The following PCDHB1 variants were observed in gnomAD, a reference collection of about 807,000 sequenced individuals.
The protein encoded by PCDHB1 is protocadherin beta 1.
Under a neutral mutation model 43.5 loss-of-function variants are expected in PCDHB1, and 44 were observed. The observed-to-expected ratio is 1.01, with a 90% confidence interval of 0.79 to 1.30. PCDHB1 has a LOEUF of 1.30. Among genes scored for constraint, PCDHB1 ranks in the 50% most tolerant of loss-of-function variants. The probability of loss-of-function intolerance (pLI) is 0.00; values close to 1 mark genes in which losing one functional copy is unlikely to be tolerated. For missense variants in PCDHB1, 919 were observed against 1,008.9 expected, an observed-to-expected ratio of 0.91 and a Z score of 1.21; for synonymous variants, 392 against 400.8, an observed-to-expected ratio of 0.98 and a Z score of 0.26.
chr5:141,051,544 T>C lies in PCDHB1; in HGVS notation c.74T>C (p.Val25Ala). 5 of 1,614,178 alleles carry C rather than the reference T, an allele frequency of 3.1e-6. No homozygotes were observed. The highest frequency in any genetic ancestry group is 4.2e-6 in the Non-Finnish European group (5 of 1,180,022). Residue 25 changes from valine to alanine, a missense_variant, in exon 1 of 1, where the codon GTG becomes GCG. Val to Ala is a moderately conservative substitution (Grantham distance 64). Coordinates refer to ENST00000306549, the MANE Select transcript of PCDHB1 (RefSeq NM_013340.4). ...GSLLIFLCIS[V>A]GDATTIRYSV... The stretch of plus-strand genomic sequence containing the variant: ...CTTCTCATTTTTCTGTGCATATCTG[T>C]GGGGGATGCGACAACTATCCGCTAT...
chr5:141,052,954 A>T lies in PCDHB1; in HGVS notation c.1484A>T (p.Lys495Ile), dbSNP rs1751029804. ...ATAACATATTCTCTGTTGCCTCCAA[A>T]AAACGGAGATCTTTCAGTCTTTGCT... is the stretch of plus-strand genomic sequence containing the variant. Reference protein sequence around the residue: ...AQITYSLLPPKNGDLSVFAYI... With the variant: ...AQITYSLLPPINGDLSVFAYI... The change falls in exon 1 of 1, where the codon AAA (lysine) becomes ATA (isoleucine). Residue 495 changes from lysine (K) to isoleucine (I), a missense_variant. Physicochemically the swap from Lys to Ile is moderately radical, Grantham distance 102. Coordinates refer to ENST00000306549, the MANE Select transcript of PCDHB1 (RefSeq NM_013340.4). 6.2e-7 allele frequency: 1 copy of T among 1,614,068 alleles called. No individual in the cohort carries two copies. Among genetic ancestry groups the T allele is most frequent in the South Asian group, 1.1e-5 (1 of 91,086 alleles).
In PCDHB1 at chr5:141,052,118, C is replaced by T; in HGVS notation, c.648C>T (p.Asp216=). ...PEVNLTITAV[D]GGSPPKSGTA... ...TCAACTTGACAATTACGGCGGTGGACGGCGGGTCCCCGCCTAAGTCTGGCA... is the reference window on the plus strand; with the variant it reads ...TCAACTTGACAATTACGGCGGTGGATGGCGGGTCCCCGCCTAAGTCTGGCA... The change falls in exon 1 of 1, where the codon GAC becomes GAT. Residue 216 remains aspartate, a synonymous_variant. Transcript: ENST00000306549. The T allele has an allele frequency of 6.2e-7, 1 of 1,612,432 alleles. No individual in the cohort carries two copies. The highest frequency in any genetic ancestry group is 1.1e-5 in the South Asian group (1 of 90,962).
chr5:141,052,564 T>TA lies in PCDHB1; in HGVS notation c.1095dup (p.Val366SerfsTer42). 3.1e-6 allele frequency: 5 copies of TA among 1,614,098 alleles called. No individual in the cohort carries two copies. The highest frequency in any genetic ancestry group is 4.2e-6 in the Non-Finnish European group (5 of 1,180,020). On this transcript the variant is annotated frameshift_variant, in exon 1 of 1. Transcript: ENST00000306549. LOFTEE classifies it high-confidence loss of function. The stretch of plus-strand genomic sequence containing the variant: ...CCTGAAGACTCACCACCACAGACAG[T>TA]AGTAGCCCTTTTCACTATCAGAGAC...
Position 141,052,767 on chromosome 5 carries a change from T to C in PCDHB1, c.1297T>C (p.Ser433Pro), listed in dbSNP as rs782729839. The change falls in exon 1 of 1, where the codon TCT becomes CCT. Residue 433 changes from serine (S) to proline (P), a missense_variant. By Grantham distance (74) the Ser-to-Pro change is moderately conservative. Transcript: ENST00000306549. ...CATGGATACTGGACCACCTAGCTTG[T>C]CTGCCGAGACTATGATAGAGGTGCT... ...VAMDTGPPSL[S>P]AETMIEVLIS... 3.7e-6 allele frequency: 6 copies of C among 1,614,166 alleles called. No individual in the cohort carries two copies. The South Asian group carries it at 6.6e-5, about 18-fold the overall frequency.
At position 141,052,163 on chromosome 5, in the gene PCDHB1, G is replaced by C. The variant is rs782150315; in HGVS notation, c.693G>C (p.Val231=). The C allele has an allele frequency of 1.2e-6, 2 of 1,613,854 alleles. No individual in the cohort carries two copies. The highest frequency in any genetic ancestry group is 1.7e-6 in the Non-Finnish European group (2 of 1,179,924). Reference sequence around the variant, plus strand: ...CTGGCACAGCTCACATCCACGTGGTGGTTCTGGATGTCAACGACCACGTGC... The same window carrying C: ...CTGGCACAGCTCACATCCACGTGGTCGTTCTGGATGTCAACGACCACGTGC... The part of the protein sequence containing the change: ...PKSGTAHIHV[V]VLDVNDHVPQ... The change falls in exon 1 of 1, where the codon GTG becomes GTC. Residue 231 remains valine (V), a synonymous_variant. Coordinates refer to ENST00000306549, the MANE Select transcript of PCDHB1 (RefSeq NM_013340.4).
At position 141,052,926 on chromosome 5, in the gene PCDHB1, CA is replaced by C. The variant is rs782164060; in HGVS notation, c.1459del (p.Ile487Ter). ...GGATCTTGATTTGGGTGAGAATGCC[CA>C]AATAACATATTCTCTGTTGCCTCCA... ...AEDLDLGENA[Q>X]ITYSLLPPKN... is the part of the protein sequence containing the mutation. On this transcript the variant is annotated frameshift_variant, in exon 1 of 1. Coordinates refer to ENST00000306549, the MANE Select transcript of PCDHB1 (RefSeq NM_013340.4). LOFTEE classifies it high-confidence loss of function. 1.9e-6 allele frequency: 3 copies of C among 1,614,152 alleles called. No individual in the cohort carries two copies. The East Asian group carries it at 6.7e-5, about 36-fold the overall frequency.
At position 141,053,838 on chromosome 5, in the gene PCDHB1, G is replaced by C. The variant is rs782315063; in HGVS notation, c.2368G>C (p.Glu790Gln). The change falls in exon 1 of 1, where the codon GAG becomes CAG. Residue 790 changes from glutamate to glutamine, a missense_variant. By Grantham distance (29) the Glu-to-Gln change is conservative. Transcript: ENST00000306549. ...TCATGCCACTGGGGAGATAAAAATG[G>C]AGGCTGGCTCCAGTTTGCCCCCAAA... Reference protein sequence around the residue: ...FPHATGEIKMEAGSSLPPNSD... With the variant: ...FPHATGEIKMQAGSSLPPNSD... 10 of 1,614,100 alleles carry C rather than the reference G, an allele frequency of 6.2e-6. No homozygotes were observed. The Admixed American group carries it at 1.7e-4, about 27-fold the overall frequency.
In PCDHB1 at chr5:141,051,859, C is replaced by G. The variant is rs782187580; in HGVS notation, c.389C>G (p.Ala130Gly). ...EVRVFDINDNAPVFLNKEPLL... is the reference protein window; with the variant it reads ...EVRVFDINDNGPVFLNKEPLL... ...AGGGTATTTGATATCAATGACAATG[C>G]CCCAGTTTTCCTAAACAAGGAGCCG... Residue 130 changes from alanine (A) to glycine (G), a missense_variant, in exon 1 of 1, where the codon GCC becomes GGC. Transcript: ENST00000306549. 1 of 1,614,162 alleles carries G rather than the reference C, an allele frequency of 6.2e-7. No homozygotes were observed.
At position 141,053,302 on chromosome 5, in the gene PCDHB1, C is replaced by T. The variant is rs10476822; in HGVS notation, c.1832C>T (p.Thr611Ile). Residue 611 changes from threonine to isoleucine, a missense_variant, in exon 1 of 1, where the codon ACT becomes ATT. By Grantham distance (89) the Thr-to-Ile change is moderately conservative. Coordinates refer to ENST00000306549, the MANE Select transcript of PCDHB1 (RefSeq NM_013340.4). ...SWLSYHLLKA[T>I]DLGLFSVQRQ... ...CTTTCATATCATCTACTTAAGGCCA[C>T]TGACCTTGGGTTATTTTCTGTTCAA... The T allele has an allele frequency of 1.9e-6, 3 of 1,614,230 alleles. No homozygotes were observed. The highest frequency in any genetic ancestry group is 4.5e-5 in the East Asian group (2 of 44,890).
rs1290612904 is a variant in PCDHB1 at position 141,057,201 on chromosome 5, A to G, written c.*3274A>G. The G allele has an allele frequency of 1.3e-5, 2 of 152,172 alleles. No homozygotes were observed. Among genetic ancestry groups the G allele is most frequent in the Non-Finnish European group, 2.9e-5 (2 of 68,020 alleles). 9.4% of individuals were successfully genotyped at this position (152,172 alleles called of 1,614,324 possible). A position where few individuals can be genotyped will look rare whatever the true frequency, so the allele number is the denominator to read the frequency against. The stretch of plus-strand genomic sequence containing the variant: ...CACATTAAATGAGATAAAATCTACC[A>G]CTTCACGCCACCATTATTCCATAAA... On this transcript the variant is annotated 3_prime_UTR_variant, in exon 1 of 1. Transcript: ENST00000306549.
chr5:141,052,448 C>T lies in PCDHB1; in HGVS notation c.978C>T (p.Gly326=). ...ACATTCAAGCTACAGATGGTGGAGG[C>T]CTCTCTGCCCACAGCAAAGTCCTGG... ...DIDIQATDGG[G]LSAHSKVLVE... Residue 326 remains glycine (G), a synonymous_variant, in exon 1 of 1, where the codon GGC becomes GGT. Coordinates refer to ENST00000306549, the MANE Select transcript of PCDHB1 (RefSeq NM_013340.4). 2 of 1,614,188 alleles carry T rather than the reference C, an allele frequency of 1.2e-6. No homozygotes were observed. Among genetic ancestry groups the T allele is most frequent in the Non-Finnish European group, 1.7e-6 (2 of 1,180,032 alleles).
rs1554267120 is a variant in PCDHB1, at chr5:141,051,885, CT to C, written c.419del (p.Leu140Ter). ...CCCAGTTTTCCTAAACAAGGAGCCG[CT>C]TTTAAAGATTCCGGAGAGCACCCCT... ...NAPVFLNKEP[L>X]LKIPESTPLG... On this transcript the variant is annotated frameshift_variant, in exon 1 of 1. Transcript: ENST00000306549. LOFTEE classifies it high-confidence loss of function. 6.2e-7 allele frequency: 1 copy of C among 1,614,074 alleles called. No individual in the cohort carries two copies. The highest frequency in any genetic ancestry group is 2.2e-5 in the East Asian group (1 of 44,888).
rs782304276 is a variant in PCDHB1 at position 141,052,709 on chromosome 5, G to A, written c.1239G>A (p.Glu413=). The A allele has an allele frequency of 1.9e-6, 3 of 1,614,198 alleles. No individual in the cohort carries two copies. Among genetic ancestry groups the A allele is most frequent in the Non-Finnish European group, 8.5e-7 (1 of 1,180,048 alleles). The change falls in exon 1 of 1, where the codon GAG becomes GAA. Residue 413 remains glutamate (E), a synonymous_variant. Coordinates refer to ENST00000306549, the MANE Select transcript of PCDHB1 (RefSeq NM_013340.4). ...SLVTDRSLDR[E]EVSGYNITIV... is the part of the protein sequence containing the mutation. The stretch of plus-strand genomic sequence containing the variant: ...TCACTGACAGAAGCTTGGATCGGGA[G>A]GAGGTCTCAGGCTATAATATCACCA...
Position 141,051,598 on chromosome 5 carries a change from C to T in PCDHB1, c.128C>T (p.Ser43Leu), listed in dbSNP as rs900032895. 1.7e-5 allele frequency: 27 copies of T among 1,614,236 alleles called. No homozygotes were observed. Among genetic ancestry groups the T allele is most frequent in the Non-Finnish European group, 2.1e-5 (25 of 1,180,048 alleles). The change falls in exon 1 of 1, where the codon TCG becomes TTG. Residue 43 changes from serine to leucine, a missense_variant. Physicochemically the swap from Ser to Leu is moderately radical, Grantham distance 145. Coordinates refer to ENST00000306549, the MANE Select transcript of PCDHB1 (RefSeq NM_013340.4). The part of the protein sequence containing the change: ...YSVAEEMESG[S>L]FVANVAKDLG... ...GTGGCAGAGGAAATGGAGAGCGGCT[C>T]GTTTGTGGCCAACGTAGCTAAGGAC...
chr5:141,053,868 G>C lies in PCDHB1; in HGVS notation c.2398G>C (p.Asp800His). 1 of 1,614,138 alleles carries C rather than the reference G, an allele frequency of 6.2e-7. No individual in the cohort carries two copies. Among genetic ancestry groups the C allele is most frequent in the Non-Finnish European group, 8.5e-7 (1 of 1,180,014 alleles). The change falls in exon 1 of 1, where the codon GAT becomes CAT. Residue 800 changes from aspartate to histidine, a missense_variant. Physicochemically the swap from Asp to His is moderately conservative, Grantham distance 81 (BLOSUM62 -1). Coordinates refer to ENST00000306549, the MANE Select transcript of PCDHB1 (RefSeq NM_013340.4). ...TGGCTCCAGTTTGCCCCCAAATTCT[G>C]ATAGGAATAAGTCTCAGAGATTAGA... Reference protein sequence around the residue: ...EAGSSLPPNSDRNKSQRLEGH... With the variant: ...EAGSSLPPNSHRNKSQRLEGH...
In PCDHB1 at chr5:141,052,157, C is replaced by A; in HGVS notation, c.687C>A (p.His229Gln). The change falls in exon 1 of 1, where the codon CAC becomes CAA. Residue 229 changes from histidine (H) to glutamine (Q), a missense_variant. Physicochemically the swap from His to Gln is conservative, Grantham distance 24. Transcript: ENST00000306549. ...CTAAGTCTGGCACAGCTCACATCCA[C>A]GTGGTGGTTCTGGATGTCAACGACC... Reference protein sequence around the residue: ...SPPKSGTAHIHVVVLDVNDHV... With the variant: ...SPPKSGTAHIQVVVLDVNDHV... 1 of 1,613,772 alleles carries A rather than the reference C, an allele frequency of 6.2e-7. No homozygotes were observed. Among genetic ancestry groups the A allele is most frequent in the Non-Finnish European group, 8.5e-7 (1 of 1,179,864 alleles).
rs782030201 is a variant in PCDHB1, at chr5:141,052,108, C to T, written c.638C>T (p.Thr213Met). Residue 213 changes from threonine to methionine, a missense_variant, in exon 1 of 1, where the codon ACG becomes ATG. Physicochemically the swap from Thr to Met is moderately conservative, Grantham distance 81 (BLOSUM62 -1). Coordinates refer to ENST00000306549, the MANE Select transcript of PCDHB1 (RefSeq NM_013340.4). ...CAGCCTGAAGTCAACTTGACAATTA[C>T]GGCGGTGGACGGCGGGTCCCCGCCT... ...EEQPEVNLTI[T>M]AVDGGSPPKS... 7.4e-6 allele frequency: 12 copies of T among 1,611,846 alleles called. No individual in the cohort carries two copies. The highest frequency in any genetic ancestry group is 2.7e-5 in the African/African-American group (2 of 74,922).
Position 141,053,560 on chromosome 5 carries a change from T to C in PCDHB1, c.2090T>C (p.Ile697Thr), listed in dbSNP as rs782002301. 8 of 1,614,014 alleles carry C rather than the reference T, an allele frequency of 5.0e-6. No homozygotes were observed. The highest frequency in any genetic ancestry group is 6.8e-6 in the Non-Finnish European group (8 of 1,179,976). The part of the protein sequence containing the change: ...STKYLVISLV[I>T]LSFLFLLSVI... Reference sequence around the variant, plus strand: ...AAATATTTGGTCATTTCTCTGGTCATCCTTTCCTTTCTCTTTCTCCTCTCT... The same window carrying C: ...AAATATTTGGTCATTTCTCTGGTCACCCTTTCCTTTCTCTTTCTCCTCTCT... Residue 697 changes from isoleucine to threonine, a missense_variant, in exon 1 of 1, where the codon ATC (isoleucine) becomes ACC (threonine). Transcript: ENST00000306549.
rs375199412 is a variant in PCDHB1 at position 141,052,442 on chromosome 5, TG to T, written c.974del (p.Gly325GlufsTer11). 7 of 1,614,094 alleles carry T rather than the reference TG, an allele frequency of 4.3e-6. No individual in the cohort carries two copies. The African/African-American group carries it at 9.3e-5, about 22-fold the overall frequency. ...ACATTGACATTCAAGCTACAGATGG[TG>T]GAGGCCTCTCTGCCCACAGCAAAGT... The part of the protein sequence containing the change: ...YDIDIQATDG[G>X]GLSAHSKVLV... On this transcript the variant is annotated frameshift_variant, in exon 1 of 1. Transcript: ENST00000306549. LOFTEE classifies it high-confidence loss of function.
Sources: allele counts gnomAD v4.1 joint callset, GRCh38; gene constraint gnomAD v4.1.1; transcripts MANE v1.5; gene names NCBI Gene and HGNC (gene_info 2026-07-23, HGNC 2026-07-21).